The following CEP192 variants were observed in gnomAD, a reference collection of about 807,000 sequenced individuals.
CEP192 encodes the protein centrosomal protein 192.
CEP192 carries 151 observed loss-of-function variants against 271.8 expected under a neutral mutation model. That is an observed-to-expected ratio of 0.56 (90% CI 0.49 to 0.64). CEP192 has a LOEUF of 0.64. Ranked by LOEUF, CEP192 falls within the 30% of genes least tolerant of loss-of-function variation. CEP192 has a pLI of 0.00. For missense variants in CEP192, 2,910 were observed against 3,020.5 expected, an observed-to-expected ratio of 0.96 and a Z score of 0.86; for synonymous variants, 995 against 1,076.5, an observed-to-expected ratio of 0.92 and a Z score of 1.48.
rs78272374 is a variant in CEP192 at position 13,059,078 on chromosome 18, G to T, written c.4258-4G>T. The T allele has an allele frequency of 6.3e-7, 1 of 1,599,176 alleles. No homozygotes were observed. The highest frequency in any genetic ancestry group is 8.6e-7 in the Non-Finnish European group (1 of 1,167,742). On this transcript the variant is annotated splice_polypyrimidine_tract_variant and splice_region_variant and intron_variant, in intron 20 of 44. Transcript: ENST00000506447. ...ATAACGAACTTTATGGCTCTTTTTTGAAGGTGGATCTTTCAACATATCGTT... is the reference window on the plus strand; with the variant it reads ...ATAACGAACTTTATGGCTCTTTTTTTAAGGTGGATCTTTCAACATATCGTT...
At chr18:13,088,364 C>A (rs543368532) in intron 32 of CEP192, among the ~76,000 whole-genome samples, 2 of 152,248 alleles carry the variant, frequency 1.3e-5, no homozygotes, top group South Asian at 4.1e-4. Flanking sequence ...GTGGGAAGAT[C>A]ACAATCCCAG....
Position 13,113,628 on chromosome 18 carries a change from C to T in CEP192, c.7090C>T (p.Gln2364Ter). 6.2e-7 allele frequency: 1 copy of T among 1,613,126 alleles called. No homozygotes were observed. The highest frequency in any genetic ancestry group is 8.5e-7 in the Non-Finnish European group (1 of 1,179,404). Reference sequence around the variant, plus strand: ...GCCCAGAGGTAGGGGGGATTATGCCCAGTTTTGGGATGTTGAATGTCACCC... The same window carrying T: ...GCCCAGAGGTAGGGGGGATTATGCCTAGTTTTGGGATGTTGAATGTCACCC... ...FLPRGRGDYA[Q>*]FWDVECHPLK... Residue 2364 changes from glutamine to a stop codon, truncating the protein, a stop_gained, in exon 41 of 45, where the codon CAG becomes TAG. Transcript: ENST00000506447. LOFTEE classifies it high-confidence loss of function.
intron 18 of CEP192, 91 bp from the exon 19 acceptor site, chr18:13,055,687 ATC>A (rs1160471357): frequency 1.1e-6 from 1 of 879,018 alleles, no homozygotes; most frequent in African/African-American, 1.7e-5. Flanking sequence ...CCTCATGCAC[ATC>A]TCTTTGTTAC....
Position 13,055,781 on chromosome 18 carries a change from G to A in CEP192, c.3191G>A (p.Ser1064Asn). The A allele has an allele frequency of 6.5e-7, 1 of 1,544,154 alleles. No homozygotes were observed. The highest frequency in any genetic ancestry group is 8.7e-7 in the Non-Finnish European group (1 of 1,148,728). The change falls in exon 19 of 45, where the codon AGT becomes AAT. Residue 1064 changes from serine (S) to asparagine (N), a missense_variant and splice_region_variant. By Grantham distance (46) the Ser-to-Asn change is conservative. Transcript: ENST00000506447. ...ATDDALEDRK[S>N]DITSELSTTI... is the part of the protein sequence containing the mutation. ...AAAAACAAATTTTGTTGCACTCAGAGTGATATCACCAGCGAGTTGAGTACC... is the reference window on the plus strand; with the variant it reads ...AAAAACAAATTTTGTTGCACTCAGAATGATATCACCAGCGAGTTGAGTACC...
intron 1 of CEP192, among the ~76,000 whole-genome samples, chr18:12,998,417 T>A (rs961472026): frequency 4.6e-5 from 7 of 152,216 alleles, no homozygotes; most frequent in African/African-American, 1.7e-4. Flanking sequence ...CAGACCTGGG[T>A]TTGAATCTTA....
At chr18:13,095,309 A>G (rs1204110169) in intron 34 of CEP192, among the ~76,000 whole-genome samples, 194 bp from the exon 35 acceptor site, 1 of 152,182 alleles carries the variant, frequency 6.6e-6, no homozygotes, top group Admixed American at 6.5e-5. Flanking sequence ...GCCTGTACAC[A>G]TTGTAAACTA....
chr18:13,030,102 A>G (rs909083098), intron 10 of CEP192, 100 bp downstream of exon 10: 1 of 1,005,966 alleles, frequency 9.9e-7, no homozygotes, highest in African/African-American at 1.6e-5. Flanking sequence ...TTCCTGTTGA[A>G]ATATTTTAGT....
rs117576959 is a variant in CEP192 at position 13,097,411 on chromosome 18, A to T, written c.6557+1104A>T. 3.3e-5 allele frequency among the ~76,000 whole-genome samples: 5 copies of T among 152,306 alleles called. No individual in the cohort carries two copies. The East Asian group carries it at 9.6e-4, about 29-fold the overall frequency. On this transcript the variant is annotated intron_variant, in intron 36 of 44. Coordinates refer to ENST00000506447, the MANE Select transcript of CEP192 (RefSeq NM_032142.4). Reference sequence around the variant, plus strand: ...CAGAAAATATAAGCAGCCGGGTCATACGGAAACACGTTTTTTTCTTCATTT... The same window carrying T: ...CAGAAAATATAAGCAGCCGGGTCATTCGGAAACACGTTTTTTTCTTCATTT...
chr18:13,030,147 G>T, intron 10 of CEP192, 145 bp downstream of exon 10: 1 of 696,552 alleles, frequency 1.4e-6, no homozygotes, highest in Non-Finnish European at 2.3e-6. Context: ...AAATCTACTT[G>T]TACAGGGAGG....
intron 6 of CEP192, among the ~76,000 whole-genome samples, chr18:13,016,142 A>G (rs1377993954): frequency 6.6e-6 from 1 of 152,162 alleles, no homozygotes; most frequent in African/African-American, 2.4e-5. Flanking sequence ...CATAAACCCA[A>G]CAGGCCCCAA....
rs746699288 is a variant in CEP192 at position 13,072,858 on chromosome 18, C to G, written c.5439+13C>G. 6.3e-7 allele frequency: 1 copy of G among 1,591,538 alleles called. No individual in the cohort carries two copies. The highest frequency in any genetic ancestry group is 1.3e-5 in the African/African-American group (1 of 74,426). On this transcript the variant is annotated intron_variant, in intron 29 of 44. Coordinates refer to ENST00000506447, the MANE Select transcript of CEP192 (RefSeq NM_032142.4). ...GGACTGCTTTCAGGTTCGTAGAGTA[C>G]GTGGATTCTTGTTATGTCTTCTGTC...
intron 4 of CEP192, among the ~76,000 whole-genome samples, chr18:13,010,996 G>A (rs1190274888): frequency 1.3e-5 from 2 of 152,100 alleles, no homozygotes; most frequent in Non-Finnish European, 2.9e-5. Context: ...GGAGGCCGAG[G>A]TGAGCGGATC....
At chr18:13,035,329 G>A (rs2035859334) in intron 11 of CEP192, among the ~76,000 whole-genome samples, 1 of 152,204 alleles carries the variant, frequency 6.6e-6, no homozygotes, top group Non-Finnish European at 1.5e-5. Flanking sequence ...AACAAAAAGA[G>A]GTTTGCTTGG....
chr18:13,073,877 C>T (rs1016165424), intron 30 of CEP192, among the ~76,000 whole-genome samples: 2 of 152,188 alleles, frequency 1.3e-5, no homozygotes, highest in South Asian at 2.1e-4. Context: ...GGGACATCAC[C>T]GTTTAGACCA....
chr18:13,082,166 C>T (rs983308622), intron 30 of CEP192, among the ~76,000 whole-genome samples: 1 of 152,204 alleles, frequency 6.6e-6, no homozygotes, highest in Non-Finnish European at 1.5e-5. Context: ...TCCTTGTTAA[C>T]CTTCTGCCTT....
At chr18:13,067,735 C>T in intron 21 of CEP192, 96 bp from the exon 22 acceptor site, 1 of 999,512 alleles carries the variant, frequency 1.0e-6, no homozygotes. Context: ...ACTGCTGACT[C>T]ATAATTTGTG....
rs1486850309 is a variant in CEP192, at chr18:13,059,088, C to T, written c.4264C>T (p.Leu1422Phe). 4 of 1,610,612 alleles carry T rather than the reference C, an allele frequency of 2.5e-6. No individual in the cohort carries two copies. In the East Asian group the frequency reaches 8.9e-5, roughly 36 times the overall value. The part of the protein sequence containing the change: ...SISVNGEKVD[L>F]STYRCLVFKN... ...TTATGGCTCTTTTTTGAAGGTGGATCTTTCAACATATCGTTGTTTAGTTTT... is the reference window on the plus strand; with the variant it reads ...TTATGGCTCTTTTTTGAAGGTGGATTTTTCAACATATCGTTGTTTAGTTTT... The change falls in exon 21 of 45, where the codon CTT (leucine) becomes TTT (phenylalanine). Residue 1422 changes from leucine (L) to phenylalanine (F), a missense_variant. Leu to Phe is a conservative substitution (Grantham distance 22). Transcript: ENST00000506447.
chr18:13,110,448 T>C (rs111380309), intron 40 of CEP192, among the ~76,000 whole-genome samples: 1 of 151,292 alleles, frequency 6.6e-6, no homozygotes, highest in African/African-American at 2.4e-5. Context: ...TTTTTTTTAA[T>C]AAGGGCACCA....
At position 13,124,924 on chromosome 18, in the gene CEP192, C is replaced by G; in HGVS notation, c.*154C>G. On this transcript the variant is annotated 3_prime_UTR_variant, in exon 45 of 45. Coordinates refer to ENST00000506447, the MANE Select transcript of CEP192 (RefSeq NM_032142.4). Reference sequence around the variant, plus strand: ...TTACAAGCTAATACTGAAGACTCGACTGAAATATTATGTATCTAGCCCATA... The same window carrying G: ...TTACAAGCTAATACTGAAGACTCGAGTGAAATATTATGTATCTAGCCCATA... 1 of 607,366 alleles carries G rather than the reference C, an allele frequency of 1.6e-6. No homozygotes were observed. Among genetic ancestry groups the G allele is most frequent in the East Asian group, 2.9e-5 (1 of 34,446 alleles). 37.6% of individuals were successfully genotyped at this position (607,366 alleles called of 1,614,324 possible).
Sources: allele counts gnomAD v4.1 joint callset (sites outside exome capture counted in the v4.1 genomes callset), GRCh38; gene constraint gnomAD v4.1.1; transcripts MANE v1.5; gene names NCBI Gene and HGNC (gene_info 2026-07-23, HGNC 2026-07-21).